The following KRABD2 variants were observed in gnomAD, a reference collection of about 807,000 sequenced individuals.
KRABD2 encodes KRAB domain containing 2.
chr17:8,367,646 G>A, the KRABD2 span, among the ~76,000 whole-genome samples: 9 of 146,382 alleles, frequency 6.1e-5, no homozygotes, highest in Non-Finnish European at 1.2e-4. Flanking sequence ...CTCAGTGACA[G>A]AGCGAGACCC....
At chr17:8,363,145 G>A in the KRABD2 span, among the ~76,000 whole-genome samples, 1 of 152,156 alleles carries the variant, frequency 6.6e-6, no homozygotes, top group Non-Finnish European at 1.5e-5. Flanking sequence ...ACTCTGGGTT[G>A]GGTGACCCAT....
chr17:8,363,852 T>TCATACATAC, the KRABD2 span, among the ~76,000 whole-genome samples: 1 of 89,176 alleles, frequency 1.1e-5, no homozygotes, highest in African/African-American at 4.1e-5. Context: ...TATATATATA[T>TCATACATAC]ATATATATAT....
the KRABD2 span, among the ~76,000 whole-genome samples, chr17:8,372,889 C>A: frequency 6.6e-6 from 1 of 151,968 alleles, no homozygotes; most frequent in Admixed American, 6.6e-5. This position sits in a 1 kb window ranked among gnomAD's most constrained non-coding sequence, Gnocchi z 4.1. Flanking sequence ...CATAGTGAGA[C>A]CCTGTCTCTA....
the KRABD2 span, chr17:8,375,733 CATT>C: frequency 1.7e-5 from 4 of 235,440 alleles, no homozygotes; most frequent in Non-Finnish European, 2.9e-5. Flanking sequence ...GACGGGGTCT[CATT>C]ATGTTGCCCG....
the KRABD2 span, among the ~76,000 whole-genome samples, chr17:8,374,455 C>T: frequency 4.6e-5 from 7 of 151,986 alleles, no homozygotes; most frequent in East Asian, 1.4e-3. Flanking sequence ...TCACCACTCC[C>T]TAATCTCAAG....
At chr17:8,363,836 T>C in the KRABD2 span, among the ~76,000 whole-genome samples, 13 of 52,652 alleles carry the variant, frequency 2.5e-4, no homozygotes, top group East Asian at 2.1e-3. Flanking sequence ...CATACATATA[T>C]ATATATATAT....
At chr17:8,366,018 C>T in the KRABD2 span, among the ~76,000 whole-genome samples, 5 of 151,906 alleles carry the variant, frequency 3.3e-5, no homozygotes, top group African/African-American at 1.2e-4. Context: ...ATCCCAGCTA[C>T]TTGGGAGGCT....
chr17:8,371,641 G>T, the KRABD2 span: 1 of 1,420,516 alleles, frequency 7.0e-7, no homozygotes. Flanking sequence ...AGGGAAAGGA[G>T]TTTTGCTTTC....
chr17:8,373,713 G>T, the KRABD2 span: 2 of 163,540 alleles, frequency 1.2e-5, no homozygotes, highest in South Asian at 1.4e-4. Flanking sequence ...CCGCCATCCC[G>T]TCTGGGAAGT....
At chr17:8,371,212 G>T in the KRABD2 span, 2 of 1,112,528 alleles carry the variant, frequency 1.8e-6, no homozygotes, top group Non-Finnish European at 2.6e-6. Flanking sequence ...TCCTTATCTT[G>T]GGGAATCGAG....
the KRABD2 span, chr17:8,375,933 G>A: frequency 1.6e-6 from 2 of 1,229,910 alleles, no homozygotes; most frequent in Non-Finnish European, 2.0e-6. Context: ...TTCCGACTCG[G>A]AATGTCCTCG....
At chr17:8,359,242 A>G in the KRABD2 span, among the ~76,000 whole-genome samples, 1 of 152,216 alleles carries the variant, frequency 6.6e-6, no homozygotes, top group African/African-American at 2.4e-5. Context: ...GTAGTTGTAC[A>G]TGTACTGGGG....
At chr17:8,367,751 G>A in the KRABD2 span, among the ~76,000 whole-genome samples, 1 of 151,710 alleles carries the variant, frequency 6.6e-6, no homozygotes, top group African/African-American at 2.4e-5. Context: ...TGTGTCCCTG[G>A]GTACTTGAGA....
chr17:8,369,791 G>T, the KRABD2 span: 2 of 1,614,104 alleles, frequency 1.2e-6, no homozygotes, highest in Non-Finnish European at 1.7e-6. Context: ...ACTCACCATC[G>T]GCACTGGACT....
chr17:8,360,877 G>T, the KRABD2 span, among the ~76,000 whole-genome samples: 64 of 152,224 alleles, frequency 4.2e-4, no homozygotes, highest in Middle Eastern at 3.4e-3. Flanking sequence ...ACCTAACCTT[G>T]GCAAACCATA....
the KRABD2 span, among the ~76,000 whole-genome samples, chr17:8,373,097 C>A: frequency 6.6e-6 from 1 of 151,952 alleles, no homozygotes; most frequent in East Asian, 1.9e-4. Context: ...AATTTGTCTC[C>A]CTCTTCCTCT....
At chr17:8,373,589 C>T in the KRABD2 span, 1 of 179,262 alleles carries the variant, frequency 5.6e-6, no homozygotes, top group African/African-American at 2.4e-5. Flanking sequence ...CTCTGCCCGG[C>T]TGCCACCCCG....
chr17:8,373,253 T>C, the KRABD2 span, among the ~76,000 whole-genome samples: 1 of 152,168 alleles, frequency 6.6e-6, no homozygotes, highest in Non-Finnish European at 1.5e-5. Flanking sequence ...TGCCGCCATC[T>C]CGGCTCACTG....
chr17:8,361,112 C>T, the KRABD2 span, among the ~76,000 whole-genome samples: 1 of 152,098 alleles, frequency 6.6e-6, no homozygotes, highest in Middle Eastern at 3.2e-3. Flanking sequence ...GATTCTATTC[C>T]ACAATATAAG....
Sources: gnomAD v4.1 joint callset for allele counts (sites outside exome capture counted in the v4.1 genomes callset) on GRCh38, gnomAD v4.1.1 for gene constraint, Gnocchi (gnomAD v3.1) non-coding constraint, MANE v1.5 for transcripts, NCBI Gene and HGNC (gene_info 2026-07-23, HGNC 2026-07-21) for gene names.